Variants in PLEKHA5 observed in about 807,000 individuals in gnomAD.
The protein encoded by PLEKHA5 is pleckstrin homology domain-containing family A member 5.
PLEKHA5 carries 55 observed loss-of-function variants against 181.9 expected under a neutral mutation model. The observed-to-expected ratio is 0.30, with a 90% confidence interval of 0.24 to 0.38. PLEKHA5 has a LOEUF of 0.38. PLEKHA5 is among the 10% of genes least tolerant of loss of function. The probability of loss-of-function intolerance (pLI) is 1.00; values close to 1 mark genes in which losing one functional copy is unlikely to be tolerated. For missense variants in PLEKHA5, 1,432 were observed against 1,549.5 expected, an observed-to-expected ratio of 0.92 and a Z score of 1.27; for synonymous variants, 535 against 529.4, an observed-to-expected ratio of 1.01 and a Z score of -0.15.
chr12:19,244,444 G>C (rs2063258103), intron 3 of PLEKHA5, among the ~76,000 whole-genome samples: 2 of 152,144 alleles, frequency 1.3e-5, no homozygotes, highest in South Asian at 4.1e-4. Context: ...CACCTCTTCT[G>C]CCCCACTCCA....
chr12:19,215,533 T>TA (rs1197159993), intron 3 of PLEKHA5, among the ~76,000 whole-genome samples: 3 of 152,214 alleles, frequency 2.0e-5, no homozygotes, highest in Non-Finnish European at 4.4e-5. Context: ...CACTTCAAGT[T>TA]ATACTTTTTA....
chr12:19,297,138 A>C (rs956628910), intron 15 of PLEKHA5, among the ~76,000 whole-genome samples: 1 of 152,124 alleles, frequency 6.6e-6, no homozygotes, highest in African/African-American at 2.4e-5. Context: ...AATGCTTCAC[A>C]TGCTTTTGGT....
At chr12:19,169,633 G>A (rs981716346) in intron 3 of PLEKHA5, among the ~76,000 whole-genome samples, 3 of 152,188 alleles carry the variant, frequency 2.0e-5, no homozygotes, top group Non-Finnish European at 4.4e-5. Flanking sequence ...GGAAATATGT[G>A]ATTGGAAGAA....
chr12:19,184,548 G>T (rs1463278705), intron 3 of PLEKHA5, among the ~76,000 whole-genome samples: 1 of 152,184 alleles, frequency 6.6e-6, no homozygotes, highest in Admixed American at 6.5e-5. Flanking sequence ...GTAGGGTGCT[G>T]TGAAAGCATA....
chr12:19,257,005 T>C (rs1030642476), intron 5 of PLEKHA5, among the ~76,000 whole-genome samples: 7 of 152,152 alleles, frequency 4.6e-5, no homozygotes, highest in Non-Finnish European at 1.0e-4. Flanking sequence ...CTCCTCAGAC[T>C]GAGTGCCATT....
chr12:19,144,350 GTC>G (rs1480512108), intron 3 of PLEKHA5, among the ~76,000 whole-genome samples: 1 of 152,184 alleles, frequency 6.6e-6, no homozygotes, highest in African/African-American at 2.4e-5. Flanking sequence ...GAGGTCATGA[GTC>G]TGGAACAAAC....
intron 3 of PLEKHA5, among the ~76,000 whole-genome samples, chr12:19,209,224 G>A (rs1422294332): frequency 6.6e-6 from 1 of 152,136 alleles, no homozygotes; most frequent in Non-Finnish European, 1.5e-5. Flanking sequence ...AGCTTGGGTG[G>A]AAGGATGGTG....
chr12:19,320,471 A>G lies in PLEKHA5; in HGVS notation c.2155-91A>G, dbSNP rs951340445. The G allele has an allele frequency of 8.3e-6, 5 of 602,864 alleles. No individual in the cohort carries two copies. In the South Asian group the frequency reaches 9.0e-5, roughly 11 times the overall value. The allele number at this position is 602,864 out of a possible 1,614,324, so 37.3% of individuals were successfully genotyped here. A position where few individuals can be genotyped will look rare whatever the true frequency, so the allele number is the denominator to read the frequency against. On this transcript the variant is annotated intron_variant, in intron 17 of 31. Transcript: ENST00000429027. ...AAAATCTATTTTTGTTATGTTATAT[A>G]TATTTAATATAAATCCAAAGTATTA...
chr12:19,327,249 T>TG (rs950672223), intron 20 of PLEKHA5, among the ~76,000 whole-genome samples: 1 of 147,858 alleles, frequency 6.8e-6, no homozygotes, highest in African/African-American at 2.5e-5. Flanking sequence ...CTGTTTTTGT[T>TG]TTTTTTTTTT....
chr12:19,234,701 G>A (rs142682853), intron 3 of PLEKHA5, among the ~76,000 whole-genome samples: 11 of 152,324 alleles, frequency 7.2e-5, no homozygotes, highest in African/African-American at 2.4e-4. Context: ...TATAGCATAT[G>A]CAACAGTGAA....
intron 16 of PLEKHA5, among the ~76,000 whole-genome samples, chr12:19,318,039 G>C (rs1463653633): frequency 6.8e-6 from 1 of 147,094 alleles, no homozygotes; most frequent in Admixed American, 7.0e-5. Flanking sequence ...TTTTTTTTCG[G>C]TAGGGCCAGG....
chr12:19,248,744 T>C (rs1194281928), intron 3 of PLEKHA5, among the ~76,000 whole-genome samples: 1 of 152,194 alleles, frequency 6.6e-6, no homozygotes, highest in Non-Finnish European at 1.5e-5. Flanking sequence ...TATTTTAGAA[T>C]GTATCACCAT....
At chr12:19,280,252 T>C (rs1001773305) in intron 11 of PLEKHA5, among the ~76,000 whole-genome samples, 1 of 151,992 alleles carries the variant, frequency 6.6e-6, no homozygotes, top group Non-Finnish European at 1.5e-5. Context: ...GATTTTGCTA[T>C]GTTGAACTCC....
chr12:19,274,771 T>C lies in PLEKHA5; in HGVS notation c.1101T>C (p.Ala367=). The C allele has an allele frequency of 6.2e-7, 1 of 1,614,194 alleles. No individual in the cohort carries two copies. Among genetic ancestry groups the C allele is most frequent in the Non-Finnish European group, 8.5e-7 (1 of 1,180,022 alleles). The part of the protein sequence containing the change: ...SEYESGSACP[A]QTVHYRPINL... ...ATGAGAGTGGGTCAGCATGCCCTGC[T>C]CAGACTGTGCACTACAGACCAATCA... is the stretch of plus-strand genomic sequence containing the variant. Residue 367 remains alanine, a synonymous_variant, in exon 11 of 32, where the codon GCT becomes GCC. Coordinates refer to ENST00000429027, the MANE Select transcript of PLEKHA5 (RefSeq NM_001256470.2).
intron 3 of PLEKHA5, among the ~76,000 whole-genome samples, chr12:19,250,589 A>G (rs1244933656): frequency 6.6e-6 from 1 of 152,170 alleles, no homozygotes; most frequent in African/African-American, 2.4e-5. Context: ...GTCTCCAAAA[A>G]TAAAGATAAT....
chr12:19,276,911 A>G (rs1565554586), intron 11 of PLEKHA5, among the ~76,000 whole-genome samples: 1 of 152,304 alleles, frequency 6.6e-6, no homozygotes, highest in East Asian at 1.9e-4. Context: ...TTAAAAAGGA[A>G]ACTGGCAGAT....
At chr12:19,225,165 C>G (rs896297685) in intron 3 of PLEKHA5, among the ~76,000 whole-genome samples, 2 of 152,148 alleles carry the variant, frequency 1.3e-5, no homozygotes, top group African/African-American at 4.8e-5. Context: ...CCTTTTACAG[C>G]TACTTTCAGT....
intron 3 of PLEKHA5, among the ~76,000 whole-genome samples, chr12:19,217,572 A>C (rs991813856): frequency 3.9e-5 from 6 of 152,224 alleles, no homozygotes. Flanking sequence ...AATACAGCCC[A>C]TGAAGGAAGT....
At chr12:19,232,190 AGTT>A (rs2060732555) in intron 3 of PLEKHA5, among the ~76,000 whole-genome samples, 1 of 152,192 alleles carries the variant, frequency 6.6e-6, no homozygotes, top group Non-Finnish European at 1.5e-5. Flanking sequence ...TGTGCAAGAT[AGTT>A]TATATTAACA....
Sources: allele counts gnomAD v4.1 joint callset (sites outside exome capture counted in the v4.1 genomes callset), GRCh38; gene constraint gnomAD v4.1.1; transcripts MANE v1.5; gene names NCBI Gene and HGNC (gene_info 2026-07-23, HGNC 2026-07-21).